The following LRRC7 variants were observed in gnomAD, a reference collection of about 807,000 sequenced individuals.
The protein encoded by LRRC7 is leucine-rich repeat-containing protein 7.
In LRRC7, 23 loss-of-function variants were observed where a neutral mutation model predicts 175.7. The observed-to-expected ratio is 0.13, with a 90% CI of 0.09 to 0.19. LRRC7 has a LOEUF of 0.19. LRRC7 is among the 10% of genes least tolerant of loss of function. The pLI, the probability that LRRC7 is intolerant of heterozygous loss-of-function variation, is 1.00. For missense variants in LRRC7, 1,354 were observed against 1,904.7 expected, an observed-to-expected ratio of 0.71 and a Z score of 5.38; for synonymous variants, 685 against 680.9, an observed-to-expected ratio of 1.01 and a Z score of -0.09.
intron 3 of LRRC7, among the ~76,000 whole-genome samples, chr1:69,772,783 G>A (rs1672380500): frequency 6.6e-6 from 1 of 152,190 alleles, no homozygotes; most frequent in African/African-American, 2.4e-5. Flanking sequence ...AATTTAGAAA[G>A]AGTTGCTATT....
chr1:69,931,748 C>G (rs907849719), intron 8 of LRRC7, among the ~76,000 whole-genome samples, 178 bp downstream of exon 8: 5 of 152,094 alleles, frequency 3.3e-5, no homozygotes, highest in Non-Finnish European at 7.4e-5. Context: ...GGAATTGAGC[C>G]AGATACAAAT....
chr1:69,680,475 G>T (rs1253684659), intron 2 of LRRC7, among the ~76,000 whole-genome samples: 2 of 152,074 alleles, frequency 1.3e-5, no homozygotes, highest in Non-Finnish European at 2.9e-5. Flanking sequence ...GGATTGTGAC[G>T]ATCAGGGAAG....
chr1:69,865,880 G>T (rs967108673), intron 7 of LRRC7, among the ~76,000 whole-genome samples: 1 of 152,122 alleles, frequency 6.6e-6, no homozygotes, highest in Non-Finnish European at 1.5e-5. Flanking sequence ...AGATTCACCA[G>T]CAGTAATGAG....
intron 3 of LRRC7, among the ~76,000 whole-genome samples, chr1:69,787,167 G>A (rs1168102782): frequency 6.6e-6 from 1 of 152,238 alleles, no homozygotes; most frequent in African/African-American, 2.4e-5. Flanking sequence ...CTCACATCCA[G>A]GTCACGCTGT....
intron 3 of LRRC7, among the ~76,000 whole-genome samples, chr1:69,768,212 A>T (rs948748202): frequency 3.9e-5 from 6 of 152,190 alleles, no homozygotes; most frequent in African/African-American, 1.4e-4. Flanking sequence ...CATCTGAGTC[A>T]TGCCAGCTAG....
At chr1:69,757,360 G>A (rs1161823388) in intron 2 of LRRC7, among the ~76,000 whole-genome samples, 1 of 151,918 alleles carries the variant, frequency 6.6e-6, no homozygotes, top group Non-Finnish European at 1.5e-5. Flanking sequence ...CCTTAGGGGA[G>A]AACCAAGTTT....
At chr1:69,650,860 T>C (rs1655734828) in intron 1 of LRRC7, among the ~76,000 whole-genome samples, 1 of 152,232 alleles carries the variant, frequency 6.6e-6, no homozygotes, top group Admixed American at 6.5e-5. Flanking sequence ...TTTGGCACTG[T>C]CGATAGCTTA....
At chr1:69,787,527 G>T (rs1268349104) in intron 3 of LRRC7, among the ~76,000 whole-genome samples, 4 of 152,194 alleles carry the variant, frequency 2.6e-5, no homozygotes, top group Admixed American at 1.3e-4. Context: ...CTACTCAGAG[G>T]TTCACAAACC....
chr1:69,917,226 G>A (rs1009305787), intron 7 of LRRC7, among the ~76,000 whole-genome samples: 2 of 152,142 alleles, frequency 1.3e-5, no homozygotes, highest in African/African-American at 4.8e-5. Context: ...ATTACTGATG[G>A]AGAATGTGTG....
chr1:69,664,634 G>T (rs1658007713), intron 1 of LRRC7, among the ~76,000 whole-genome samples: 1 of 152,064 alleles, frequency 6.6e-6, no homozygotes, highest in Non-Finnish European at 1.5e-5. Flanking sequence ...CAGATATTTT[G>T]TCCATTTTTA....
intron 1 of LRRC7, among the ~76,000 whole-genome samples, chr1:69,602,461 G>A (rs1053682850): frequency 1.4e-5 from 2 of 146,884 alleles, no homozygotes; most frequent in Non-Finnish European, 2.9e-5. Flanking sequence ...CCTTAAAGTG[G>A]AACATTTTAA....
intron 22 of LRRC7, among the ~76,000 whole-genome samples, chr1:70,046,821 T>A (rs1387418359): frequency 1.3e-5 from 2 of 152,036 alleles, no homozygotes; most frequent in Non-Finnish European, 2.9e-5. Flanking sequence ...CATTTGAAAA[T>A]TTGTTAGGTT....
intron 7 of LRRC7, among the ~76,000 whole-genome samples, chr1:69,906,447 G>C (rs1258084583): frequency 2.0e-5 from 3 of 152,146 alleles, no homozygotes; most frequent in South Asian, 2.1e-4. Flanking sequence ...TAAGGTGTAA[G>C]GAAGGGATCC....
chr1:69,604,903 G>A (rs116859525), intron 1 of LRRC7, among the ~76,000 whole-genome samples: 5 of 152,084 alleles, frequency 3.3e-5, no homozygotes, highest in Admixed American at 6.6e-5. Flanking sequence ...CTTCATGCAC[G>A]TGTAACAAAA....
intron 2 of LRRC7, among the ~76,000 whole-genome samples, chr1:69,710,480 G>A (rs1190789644): frequency 6.6e-6 from 1 of 152,044 alleles, no homozygotes; most frequent in Non-Finnish European, 1.5e-5. Context: ...GGAGATGGGT[G>A]CATGTTTAAA....
chr1:69,881,316 T>C (rs536843261), intron 7 of LRRC7, among the ~76,000 whole-genome samples: 99 of 152,282 alleles, frequency 6.5e-4, no homozygotes, highest in Non-Finnish European at 1.3e-3. Flanking sequence ...CTAAAATCAG[T>C]CCCTGTATCT....
chr1:69,595,276 C>A (rs147076982), intron 1 of LRRC7, among the ~76,000 whole-genome samples: 9 of 151,892 alleles, frequency 5.9e-5, no homozygotes, highest in Non-Finnish European at 1.3e-4. Flanking sequence ...AAAAATTAGC[C>A]GGGCGTGGTG....
At chr1:69,891,691 C>T (rs955033509) in intron 7 of LRRC7, among the ~76,000 whole-genome samples, 1 of 152,040 alleles carries the variant, frequency 6.6e-6, no homozygotes, top group Admixed American at 6.6e-5. Context: ...GAGATCATGA[C>T]ACTGAACTCC....
chr1:69,868,902 TG>T (rs1381793119), intron 7 of LRRC7, among the ~76,000 whole-genome samples: 3 of 129,332 alleles, frequency 2.3e-5, no homozygotes, highest in African/African-American at 8.2e-5. Context: ...TATATATGTA[TG>T]TATATATGTA....
Sources: gnomAD v4.1 joint callset for allele counts (sites outside exome capture counted in the v4.1 genomes callset) on GRCh38, gnomAD v4.1.1 for gene constraint, MANE v1.5 for transcripts, NCBI Gene and HGNC (gene_info 2026-07-23, HGNC 2026-07-21) for gene names.